The following AHI1 variants were observed in gnomAD, a reference collection of about 807,000 sequenced individuals.
The protein encoded by AHI1 is Abelson helper integration site 1.
A neutral mutation model predicts 149.3 loss-of-function variants in AHI1; 123 were observed. That is an observed-to-expected ratio of 0.82 (90% CI 0.71 to 0.96). The LOEUF is 0.96. Ranked by LOEUF, AHI1 falls within the 40% of genes least tolerant of loss-of-function variation. The pLI is 0.00. For missense variants in AHI1, 1,439 were observed against 1,422.7 expected, an observed-to-expected ratio of 1.01 and a Z score of -0.18; for synonymous variants, 475 against 459.8, an observed-to-expected ratio of 1.03 and a Z score of -0.42.
At chr6:135,412,407 T>C (rs1162642909) in intron 20 of AHI1, among the ~76,000 whole-genome samples, 1 of 152,200 alleles carries the variant, frequency 6.6e-6, no homozygotes, top group Non-Finnish European at 1.5e-5. Flanking sequence ...TAACTCTATT[T>C]ATAGTGTTCT....
chr6:135,411,072 G>A (rs967671525), intron 21 of AHI1, among the ~76,000 whole-genome samples: 1 of 152,144 alleles, frequency 6.6e-6, no homozygotes, highest in Non-Finnish European at 1.5e-5. Context: ...TAAGTCCTAG[G>A]TGTGGTCATC....
At chr6:135,310,040 A>C (rs1178823530) in intron 26 of AHI1, among the ~76,000 whole-genome samples, 29 of 152,214 alleles carry the variant, frequency 1.9e-4, no homozygotes, top group Admixed American at 1.9e-3. Context: ...AATAGAAAAG[A>C]AGCAACAATT....
intron 23 of AHI1, chr6:135,387,877 T>C: frequency 6.5e-7 from 1 of 1,540,312 alleles, no homozygotes; most frequent in Non-Finnish European, 8.7e-7. Context: ...GTAGGAAATG[T>C]GGAGACATTT....
At chr6:135,408,320 G>T (rs1781097559) in intron 21 of AHI1, among the ~76,000 whole-genome samples, 1 of 151,890 alleles carries the variant, frequency 6.6e-6, no homozygotes. Flanking sequence ...TTTTCCTAGT[G>T]AAGAAATATG....
In AHI1 at chr6:135,318,614, G is replaced by C. The variant is rs1429826481; in HGVS notation, c.3331C>G (p.Leu1111Val). The change falls in exon 26 of 29, where the codon CTG (leucine) becomes GTG (valine). Residue 1111 changes from leucine (L) to valine (V), a missense_variant and splice_region_variant. Leu to Val is a conservative substitution (Grantham distance 32, BLOSUM62 1). Transcript: ENST00000265602. ...FPANHVASETLYQELPPEIKE... is the reference protein window; with the variant it reads ...FPANHVASETVYQELPPEIKE... ...ATCTCAGGAGGCAGTTCTTGATACA[G>C]TGCTGAAATTGGAAAAAGGAATTCA... 2.7e-5 allele frequency: 43 copies of C among 1,594,078 alleles called. No homozygotes were observed. The highest frequency in any genetic ancestry group is 3.6e-5 in the Non-Finnish European group (42 of 1,170,256).
intron 8 of AHI1, among the ~76,000 whole-genome samples, chr6:135,458,038 A>G (rs1789256014): frequency 6.6e-6 from 1 of 152,260 alleles, no homozygotes; most frequent in Admixed American, 6.5e-5. Context: ...GACAACTAGA[A>G]TTTCTAATTC....
rs955432436 is a variant in AHI1, at chr6:135,483,008, C to T, written c.135+7615G>A. ...CCGGCTTCAAGTAATTCTCCTGCCTCGGCCTCCCAAGTAGCTGGGACTACA... is the reference window on the plus strand; with the variant it reads ...CCGGCTTCAAGTAATTCTCCTGCCTTGGCCTCCCAAGTAGCTGGGACTACA... On this transcript the variant is annotated intron_variant, in intron 5 of 28. Transcript: ENST00000265602. 2.0e-5 allele frequency among the ~76,000 whole-genome samples: 3 copies of T among 148,446 alleles called. No homozygotes were observed. The East Asian group carries it at 6.0e-4, about 30-fold the overall frequency.
At chr6:135,394,709 T>A in intron 23 of AHI1, 67 bp downstream of exon 23, 3 of 1,579,530 alleles carry the variant, frequency 1.9e-6, no homozygotes, top group Non-Finnish European at 2.6e-6. Flanking sequence ...AAGAAATAAG[T>A]GATATTCATC....
chr6:135,371,017 G>A (rs999924644), intron 23 of AHI1, among the ~76,000 whole-genome samples: 4 of 152,000 alleles, frequency 2.6e-5, no homozygotes, highest in African/African-American at 9.6e-5. Flanking sequence ...ATATCTCCTT[G>A]CTCCACATCA....
chr6:135,293,406 GAA>G (rs71547029), intron 27 of AHI1, among the ~76,000 whole-genome samples: 60 of 65,596 alleles, frequency 9.1e-4, no homozygotes, highest in African/African-American at 1.6e-3. Flanking sequence ...AAAAAAAAAA[GAA>G]AAAAAAAAAA....
At chr6:135,311,049 C>A (rs185585823) in intron 26 of AHI1, among the ~76,000 whole-genome samples, 1 of 151,998 alleles carries the variant, frequency 6.6e-6, no homozygotes, top group Non-Finnish European at 1.5e-5. Flanking sequence ...CACTTGTCAT[C>A]GCAGCACTTT....
chr6:135,370,841 C>CT (rs899076538), intron 23 of AHI1, among the ~76,000 whole-genome samples: 3 of 151,798 alleles, frequency 2.0e-5, no homozygotes, highest in Non-Finnish European at 4.4e-5. Flanking sequence ...GTGGATACTC[C>CT]TTTTTTTTCT....
intron 26 of AHI1, chr6:135,306,740 C>T (rs949595037): frequency 6.6e-6 from 1 of 152,194 alleles, no homozygotes; most frequent in African/African-American, 2.4e-5. Flanking sequence ...TGTCCCCCCA[C>T]CAGGCCTGGG....
At chr6:135,389,252 A>G (rs1778097663) in intron 23 of AHI1, among the ~76,000 whole-genome samples, 1 of 150,350 alleles carries the variant, frequency 6.7e-6, no homozygotes, top group Admixed American at 6.6e-5. Flanking sequence ...CAGAGCTTGC[A>G]GTGAGCCGAG....
chr6:135,352,100 A>G (rs999894238), intron 24 of AHI1, among the ~76,000 whole-genome samples: 3 of 152,202 alleles, frequency 2.0e-5, no homozygotes, highest in African/African-American at 7.2e-5. Flanking sequence ...CCACAAATGT[A>G]GATTTCTGTA....
At chr6:135,434,253 C>T (rs1234700168) in intron 15 of AHI1, among the ~76,000 whole-genome samples, 2 of 151,784 alleles carry the variant, frequency 1.3e-5, no homozygotes, top group Non-Finnish European at 2.9e-5. Context: ...TCAGCAGCTG[C>T]TTACAATATA....
At position 135,284,057 on chromosome 6, in the gene AHI1, C is replaced by CAAG. The variant is rs1220410774; in HGVS notation, c.*1585_*1587dup. On this transcript the variant is annotated 3_prime_UTR_variant, in exon 29 of 29. Transcript: ENST00000265602. ...CAAGACAGAAAAAAACAAGCTTGTACAAGAGTGACTCAAGCTGGCTGGGCC... is the reference window on the plus strand; with the variant it reads ...CAAGACAGAAAAAAACAAGCTTGTACAAGAAGAGTGACTCAAGCTGGCTGGGCC... 1 of 152,114 alleles carries CAAG rather than the reference C, an allele frequency of 6.6e-6. No homozygotes were observed. The highest frequency in any genetic ancestry group is 1.5e-5 in the Non-Finnish European group (1 of 68,006). The allele number at this position is 152,114 out of a possible 1,614,324, so 9.4% of individuals were successfully genotyped here.
intron 15 of AHI1, 70 bp from the exon 16 acceptor site, chr6:135,433,326 A>G (rs1302827526): frequency 3.5e-6 from 4 of 1,128,806 alleles, no homozygotes; most frequent in African/African-American, 3.1e-5. Context: ...TTTTCTAAGA[A>G]CCAACACAGC....
chr6:135,446,911 G>C (rs1787325175), intron 13 of AHI1, 97 bp downstream of exon 13: 2 of 1,271,170 alleles, frequency 1.6e-6, no homozygotes, highest in Non-Finnish European at 2.1e-6. Flanking sequence ...TAAATAGCAA[G>C]CATTTTAAGT....
Sources: gnomAD v4.1 joint callset for allele counts (sites outside exome capture counted in the v4.1 genomes callset) on GRCh38, gnomAD v4.1.1 for gene constraint, MANE v1.5 for transcripts, NCBI Gene and HGNC (gene_info 2026-07-23, HGNC 2026-07-21) for gene names.